The following MTMR8 variants were observed in gnomAD, a reference collection of about 807,000 sequenced individuals.
MTMR8 encodes the protein myotubularin related protein 8, also known as phosphatidylinositol-3,5-bisphosphate 3-phosphatase MTMR8.
A neutral mutation model predicts 39.3 loss-of-function variants in MTMR8; 65 were observed. The ratio of observed to expected loss-of-function variants is 1.65; its 90% CI spans 1.35 to 2.03. MTMR8 has a LOEUF of 2.03. Ranked by LOEUF, MTMR8 falls within the 30% of genes most tolerant of loss-of-function variation. The pLI, the probability that MTMR8 is intolerant of heterozygous loss-of-function variation, is 0.00. For synonymous variants in MTMR8, 245 were observed against 185.2 expected, an observed-to-expected ratio of 1.32 and a Z score of -2.62; for missense variants, 777 against 538.9, an observed-to-expected ratio of 1.44 and a Z score of -4.37.
At chrX:64,326,879 G>T (rs1008599426) in intron 12 of MTMR8, among the ~76,000 whole-genome samples, 1 of 109,618 alleles carries the variant, frequency 9.1e-6, no homozygotes, top group Non-Finnish European at 1.9e-5. Flanking sequence ...GGAATAGAGA[G>T]CCCAGAAAAA....
intron 1 of MTMR8, among the ~76,000 whole-genome samples, chrX:64,361,517 T>C (rs142513259): frequency 0.012 from 1,280 of 111,168 alleles, 50 homozygotes; most frequent in Admixed American, 0.099. Flanking sequence ...CAAGAAAGCA[T>C]GGGGAGTTCA....
intron 1 of MTMR8, among the ~76,000 whole-genome samples, chrX:64,375,512 C>T (rs1225494221): frequency 9.0e-6 from 1 of 111,472 alleles, no homozygotes; most frequent in Non-Finnish European, 1.9e-5. Context: ...ATGCTGGTGT[C>T]CCTCAAAAAT....
chrX:64,283,371 C>T (rs1921032414), intron 12 of MTMR8, among the ~76,000 whole-genome samples: 1 of 112,179 alleles, frequency 8.9e-6, no homozygotes, highest in Non-Finnish European at 1.9e-5. Context: ...GGAGGCCTGC[C>T]TGCATCTGTA....
Position 64,300,789 on chromosome X carries a change from C to G in MTMR8, c.1481+27983G>C, listed in dbSNP as rs1328985890. On this transcript the variant is annotated intron_variant, in intron 12 of 13. Transcript: ENST00000374852. The stretch of plus-strand genomic sequence containing the variant: ...CAGGCCTGGTGGTGACAAAATCTCT[C>G]AGCATTTGCTTGTCTGTAAAGTATT... Among the ~76,000 whole-genome samples the G allele has an allele frequency of 5.7e-5, 6 of 105,719 alleles. No homozygotes were observed. In the East Asian group the frequency reaches 9.0e-4, roughly 16 times the overall value. 91.8% of individuals were successfully genotyped at this position (105,719 alleles called of 115,157 possible).
At position 64,322,827 on chromosome X, in the gene MTMR8, C is replaced by T. The variant is rs73522794; in HGVS notation, c.1481+5945G>A. ...GGCTCTGTCTTGCACATTCAGGTGA[C>T]TGCAGCAACCAACCCTAGCCTCTCA... On this transcript the variant is annotated intron_variant, in intron 12 of 13. Transcript: ENST00000374852. Among the ~76,000 whole-genome samples the T allele has an allele frequency of 2.4e-3, 269 of 112,769 alleles. 1 individual carries two copies. Among genetic ancestry groups the T allele is most frequent in the African/African-American group, 8.1e-3 (253 of 31,065 alleles).
chrX:64,269,805 G>T (rs1306953457), intron 13 of MTMR8, among the ~76,000 whole-genome samples: 1 of 110,966 alleles, frequency 9.0e-6, no homozygotes, highest in Non-Finnish European at 1.9e-5. Context: ...AAGTCAACAG[G>T]GTTGTCTGGG....
intron 12 of MTMR8, among the ~76,000 whole-genome samples, chrX:64,302,344 ACC>A (rs1232496652): frequency 8.9e-6 from 1 of 111,777 alleles, no homozygotes; most frequent in African/African-American, 3.3e-5. Flanking sequence ...TGCGTCTGTC[ACC>A]CCTTTCTTTG....
At chrX:64,392,550 G>A (rs1238530623) in intron 1 of MTMR8, among the ~76,000 whole-genome samples, 2 of 111,072 alleles carry the variant, frequency 1.8e-5, no homozygotes, top group East Asian at 5.6e-4. Flanking sequence ...ACTGGAAGGG[G>A]GCATGAAGTG....
At chrX:64,373,394 G>A (rs1178718473) in intron 1 of MTMR8, among the ~76,000 whole-genome samples, 2 of 111,305 alleles carry the variant, frequency 1.8e-5, no homozygotes, top group African/African-American at 3.3e-5. Context: ...GTTTAAAAGT[G>A]TGTAGCACAT....
At chrX:64,314,960 G>T (rs1348614445) in intron 12 of MTMR8, among the ~76,000 whole-genome samples, 1 of 111,710 alleles carries the variant, frequency 9.0e-6, no homozygotes, top group Non-Finnish European at 1.9e-5. Flanking sequence ...GGGGTGCACA[G>T]ATCAGACTGG....
chrX:64,285,827 T>A (rs1278076068), intron 12 of MTMR8, among the ~76,000 whole-genome samples: 1 of 109,672 alleles, frequency 9.1e-6, no homozygotes, highest in Non-Finnish European at 1.9e-5. Flanking sequence ...TTCAAAGCAG[T>A]GTGTAGAGGG....
At chrX:64,282,095 A>T (rs945874431) in intron 12 of MTMR8, among the ~76,000 whole-genome samples, 1 of 111,266 alleles carries the variant, frequency 9.0e-6, no homozygotes, top group African/African-American at 3.3e-5. Flanking sequence ...GCTGGGGAGA[A>T]ATAGGAACAC....
chrX:64,345,912 T>C (rs1197374378), intron 6 of MTMR8, among the ~76,000 whole-genome samples: 3 of 112,463 alleles, frequency 2.7e-5, no homozygotes, highest in African/African-American at 9.7e-5. Flanking sequence ...AGCCACCACA[T>C]ACAGCCCAAT....
At chrX:64,315,101 G>T (rs1167651546) in intron 12 of MTMR8, among the ~76,000 whole-genome samples, 3 of 111,896 alleles carry the variant, frequency 2.7e-5, no homozygotes, top group African/African-American at 6.5e-5. Context: ...AGATGTTCCT[G>T]CACCAAGCCC....
intron 12 of MTMR8, among the ~76,000 whole-genome samples, chrX:64,300,829 C>G (rs1471511867): frequency 7.4e-5 from 8 of 107,918 alleles, no homozygotes; most frequent in African/African-American, 2.4e-4. Flanking sequence ...TTCTCCTTCA[C>G]TTATGAAGCT....
chrX:64,288,040 A>C (rs1229345760), intron 12 of MTMR8, among the ~76,000 whole-genome samples: 1 of 83,266 alleles, frequency 1.2e-5, no homozygotes, highest in Admixed American at 1.4e-4. Flanking sequence ...AAAAAAAAAA[A>C]AAAAAAAAAC....
intron 12 of MTMR8, among the ~76,000 whole-genome samples, chrX:64,291,394 A>G (rs1921392850): frequency 9.0e-6 from 1 of 110,596 alleles, no homozygotes; most frequent in African/African-American, 3.3e-5. Context: ...CATGCTGCCT[A>G]GTCATCTAAA....
chrX:64,288,789 G>A (rs1921295459), intron 12 of MTMR8, among the ~76,000 whole-genome samples: 1 of 110,402 alleles, frequency 9.1e-6, no homozygotes, highest in Non-Finnish European at 1.9e-5. Context: ...AACACCGCAT[G>A]TTGTCACTCA....
At chrX:64,320,887 C>A in intron 12 of MTMR8, among the ~76,000 whole-genome samples, 1 of 111,823 alleles carries the variant, frequency 8.9e-6, no homozygotes, top group Admixed American at 9.5e-5. Flanking sequence ...AGCCAATCTG[C>A]AAAGACTAGG....
Sources: allele counts gnomAD v4.1 joint callset (sites outside exome capture counted in the v4.1 genomes callset), GRCh38; gene constraint gnomAD v4.1.1; transcripts MANE v1.5; gene names NCBI Gene and HGNC (gene_info 2026-07-23, HGNC 2026-07-21).